The following AGO3 variants were observed in gnomAD, a reference collection of about 807,000 sequenced individuals.
AGO3 encodes protein argonaute-3.
Under a neutral mutation model 105.5 loss-of-function variants are expected in AGO3, and 16 were observed. The ratio of observed to expected loss-of-function variants is 0.15; its 90% CI spans 0.10 to 0.23. The LOEUF is 0.23. Ranked by LOEUF, AGO3 falls within the 10% of genes least tolerant of loss-of-function variation. The pLI, the probability that AGO3 is intolerant of heterozygous loss-of-function variation, is 1.00. For missense variants in AGO3, 534 were observed against 1,088.0 expected (o/e 0.49, Z 7.16); for synonymous variants, 340 against 367.3 (o/e 0.93, Z 0.85).
intron 17 of AGO3, among the ~76,000 whole-genome samples, chr1:36,053,745 ATTTTTT>A (rs71034711): frequency 1.8e-4 from 15 of 81,296 alleles, no homozygotes; most frequent in South Asian, 9.1e-4. Flanking sequence ...CACCTGGCTA[ATTTTTT>A]TTTTTTTTTT....
intron 9 of AGO3, among the ~76,000 whole-genome samples, chr1:36,013,130 G>A (rs780881698): frequency 6.6e-6 from 1 of 152,016 alleles, no homozygotes; most frequent in Non-Finnish European, 1.5e-5. Context: ...GTAGAGATGA[G>A]GTCTTGCTTT....
chr1:36,029,785 C>G (rs943628811), intron 12 of AGO3, among the ~76,000 whole-genome samples: 10 of 151,648 alleles, frequency 6.6e-5, no homozygotes, highest in Non-Finnish European at 8.8e-5. Context: ...CTCCACCTCC[C>G]AGGTTCAAGC....
intron 1 of AGO3, among the ~76,000 whole-genome samples, chr1:35,934,742 C>G (rs894240914): frequency 6.6e-6 from 1 of 151,998 alleles, no homozygotes. Flanking sequence ...CCTCTGCCTC[C>G]TGGGTTCAAG....
In AGO3 at chr1:36,005,943, C is replaced by A. The variant is rs116080676; in HGVS notation, c.793+1468C>A. The A allele has an allele frequency of 8.8e-4, 847 of 958,022 alleles. 5 individuals are homozygous for A. In the African/African-American group the frequency reaches 0.013, roughly 15 times the overall value. 59.3% of individuals were successfully genotyped at this position (958,022 alleles called of 1,614,324 possible). ...TGGAGGGTTTGGGGAGGGACCTGGG[C>A]AGAGAATTATCTAGTCCACTTTTTA... On this transcript the variant is annotated intron_variant, in intron 6 of 18. Transcript: ENST00000373191.
rs138396946 is a variant in AGO3 at position 35,975,788 on chromosome 1, A to G, written c.658+2277A>G. ...TTATTGAGATCCTATTAGATTTATAAATTAAGTTAGGACAAATTGGCATAT... is the reference window on the plus strand; with the variant it reads ...TTATTGAGATCCTATTAGATTTATAGATTAAGTTAGGACAAATTGGCATAT... On this transcript the variant is annotated intron_variant, in intron 5 of 18. Coordinates refer to ENST00000373191, the MANE Select transcript of AGO3 (RefSeq NM_024852.4). 4.2e-4 allele frequency among the ~76,000 whole-genome samples: 64 copies of G among 152,232 alleles called. 1 individual carries two copies. The East Asian group carries it at 0.01, about 24-fold the overall frequency.
At chr1:35,944,644 G>A (rs1258359386) in intron 1 of AGO3, among the ~76,000 whole-genome samples, 2 of 149,950 alleles carry the variant, frequency 1.3e-5, no homozygotes, top group South Asian at 2.1e-4. Context: ...GGAACTACAG[G>A]CCTGCACCAC....
chr1:35,952,210 G>C (rs539935017), intron 2 of AGO3, among the ~76,000 whole-genome samples: 1 of 146,762 alleles, frequency 6.8e-6, no homozygotes, highest in Non-Finnish European at 1.5e-5. Context: ...GCAGTGGCGC[G>C]ATCGCGGCTC....
chr1:35,935,470 C>G (rs1466140009), intron 1 of AGO3, among the ~76,000 whole-genome samples: 2 of 152,212 alleles, frequency 1.3e-5, no homozygotes, highest in Non-Finnish European at 2.9e-5. Flanking sequence ...GAAAAGATAT[C>G]TACATGCTAC....
chr1:36,045,188 TC>T (rs564276133), intron 17 of AGO3, among the ~76,000 whole-genome samples: 7 of 152,172 alleles, frequency 4.6e-5, no homozygotes, highest in Admixed American at 4.6e-4. Flanking sequence ...TAGTGCTTGC[TC>T]CCCTCACAAA....
intron 5 of AGO3, chr1:35,983,434 AAG>A (rs1394926993): frequency 6.6e-5 from 10 of 151,618 alleles, no homozygotes; most frequent in African/African-American, 9.7e-5. Flanking sequence ...AAAAAAGAAA[AAG>A]AAAAAAATTA....
chr1:35,973,331 G>T (rs1646901562), intron 4 of AGO3, 44 bp from the exon 5 acceptor site: 1 of 1,404,684 alleles, frequency 7.1e-7, no homozygotes, highest in Non-Finnish European at 9.4e-7. Context: ...TTAAATACTT[G>T]CATGAGAAGG....
In AGO3 at chr1:35,972,045, C is replaced by T; in HGVS notation, c.334C>T (p.Pro112Ser). ...TTGVDLDVTL[P>S]GEGGKDRPFK... ...ACAGGTAGATTTAGACGTTACTTTA[C>T]CTGGGGAAGGTGGAAAAGATCGACC... The change falls in exon 4 of 19, where the codon CCT (proline) becomes TCT (serine). Residue 112 changes from proline to serine, a missense_variant. By Grantham distance (74) the Pro-to-Ser change is moderately conservative. This residue lies in a region of AGO3 where 161 missense variants were observed against 234.0 expected (regional missense o/e 0.69). Transcript: ENST00000373191. 1 of 1,613,854 alleles carries T rather than the reference C, an allele frequency of 6.2e-7. No individual in the cohort carries two copies. The highest frequency in any genetic ancestry group is 8.5e-7 in the Non-Finnish European group (1 of 1,179,992).
At position 35,982,493 on chromosome 1, in the gene AGO3, AAG is replaced by A. The variant is rs1476506954; in HGVS notation, c.658+8986_658+8987del. 35 of 596,138 alleles carry A rather than the reference AAG, an allele frequency of 5.9e-5. No homozygotes were observed. In the African/African-American group the frequency reaches 6.2e-4, roughly 11 times the overall value. The allele number at this position is 596,138 out of a possible 1,614,324, so 36.9% of individuals were successfully genotyped here. On this transcript the variant is annotated intron_variant, in intron 5 of 18. Coordinates refer to ENST00000373191, the MANE Select transcript of AGO3 (RefSeq NM_024852.4). ...GAAAAATCACAGAAAATTAAATGCA[AAG>A]AGAATAGAAAGAAATAAAAGATAAA...
At chr1:35,970,317 G>T (rs556463535) in intron 3 of AGO3, among the ~76,000 whole-genome samples, 1 of 152,158 alleles carries the variant, frequency 6.6e-6, no homozygotes, top group African/African-American at 2.4e-5. Context: ...ATAGGAAATC[G>T]TGAGTTCACA....
intron 1 of AGO3, among the ~76,000 whole-genome samples, chr1:35,944,091 T>A (rs1646312263): frequency 1.3e-5 from 2 of 152,220 alleles, no homozygotes; most frequent in African/African-American, 4.8e-5. Flanking sequence ...TCACTTCTTT[T>A]GAGTGTATAC....
At chr1:36,052,867 C>T (rs1463205230) in intron 17 of AGO3, among the ~76,000 whole-genome samples, 1 of 152,030 alleles carries the variant, frequency 6.6e-6, no homozygotes, top group East Asian at 1.9e-4. Flanking sequence ...AAAAAATTAG[C>T]TGGGTGTGGT....
In AGO3 at chr1:36,063,707, G is replaced by A. The variant is rs1273835995; in HGVS notation, c.*7962G>A. ...AATAATTTATGAATGTGAATAAATT[G>A]GAAGGCAGCAAAAAGCATGATTATA... On this transcript the variant is annotated 3_prime_UTR_variant, in exon 19 of 19. Coordinates refer to ENST00000373191, the MANE Select transcript of AGO3 (RefSeq NM_024852.4). 6.6e-6 allele frequency: 1 copy of A among 152,136 alleles called. No individual in the cohort carries two copies. Among genetic ancestry groups the A allele is most frequent in the Non-Finnish European group, 1.5e-5 (1 of 68,026 alleles). The allele number at this position is 152,136 out of a possible 1,614,324, so 9.4% of individuals were successfully genotyped here.
At chr1:35,933,780 C>G (rs1646099330) in intron 1 of AGO3, among the ~76,000 whole-genome samples, 1 of 142,638 alleles carries the variant, frequency 7.0e-6, no homozygotes, top group East Asian at 2.1e-4. Context: ...ATAAGTTTTT[C>G]TTTTTTGTGG....
Position 36,008,976 on chromosome 1 carries a change from C to A in AGO3, c.961C>A (p.Leu321Met). 6.2e-7 allele frequency: 1 copy of A among 1,612,540 alleles called. No homozygotes were observed. Among genetic ancestry groups the A allele is most frequent in the South Asian group, 1.1e-5 (1 of 90,830 alleles). The change falls in exon 8 of 19, where the codon CTG (leucine) becomes ATG (methionine). Residue 321 changes from leucine to methionine, a missense_variant. Transcript: ENST00000373191. The surrounding 1 kb of genome is among the most constrained non-coding windows in gnomAD (Gnocchi z 5.1). ...TTTCAGAGAAAAGTATACTCTTCAG[C>A]TGAAGTACCCGCACCTTCCCTGTCT... is the stretch of plus-strand genomic sequence containing the variant. ...QYFREKYTLQLKYPHLPCLQV... is the reference protein window; with the variant it reads ...QYFREKYTLQMKYPHLPCLQV...
Sources: gnomAD v4.1 joint callset for allele counts (sites outside exome capture counted in the v4.1 genomes callset) on GRCh38, gnomAD v4.1.1 for gene constraint, gnomAD v4.1.1 regional missense constraint, Gnocchi (gnomAD v3.1) non-coding constraint, MANE v1.5 for transcripts, NCBI Gene and HGNC (gene_info 2026-07-23, HGNC 2026-07-21) for gene names.